The following ROBO1 variants were observed in gnomAD, a reference collection of about 807,000 sequenced individuals.
The protein encoded by ROBO1 is roundabout homolog 1.
Under a neutral mutation model 195.9 loss-of-function variants are expected in ROBO1, and 149 were observed. The observed-to-expected ratio is 0.76, with a 90% CI of 0.67 to 0.87. The LOEUF is 0.87. Among genes scored for constraint, ROBO1 ranks in the 40% least tolerant of loss-of-function variants. ROBO1 has a pLI of 0.00. For missense variants in ROBO1, 1,933 were observed against 2,068.3 expected (o/e 0.93, Z 1.27); for synonymous variants, 816 against 733.2 (o/e 1.11, Z -1.82).
At chr3:79,080,418 C>T (rs1235060252) in intron 3 of ROBO1, among the ~76,000 whole-genome samples, 1 of 151,744 alleles carries the variant, frequency 6.6e-6, no homozygotes, top group Non-Finnish European at 1.5e-5. Flanking sequence ...TTTAAGTATA[C>T]TAACATACAC....
chr3:79,169,800 C>G (rs2081134700), intron 2 of ROBO1, among the ~76,000 whole-genome samples: 1 of 152,066 alleles, frequency 6.6e-6, no homozygotes, highest in Non-Finnish European at 1.5e-5. Flanking sequence ...CAAAATTTCA[C>G]AAGTTTAGGT....
chr3:78,884,137 G>A (rs331189), intron 4 of ROBO1, among the ~76,000 whole-genome samples: 2 of 152,018 alleles, frequency 1.3e-5, no homozygotes, highest in Admixed American at 6.6e-5. Flanking sequence ...AAAATGAACA[G>A]TTAGATGCCA....
chr3:79,711,863 C>T (rs368736053), intron 1 of ROBO1, among the ~76,000 whole-genome samples: 12 of 123,994 alleles, frequency 9.7e-5, no homozygotes, highest in African/African-American at 2.5e-4. Context: ...TTATTATATC[C>T]GTTATGGTAA....
At chr3:79,402,589 T>A (rs1313445018) in intron 2 of ROBO1, among the ~76,000 whole-genome samples, 1 of 151,914 alleles carries the variant, frequency 6.6e-6, no homozygotes, top group Non-Finnish European at 1.5e-5. Context: ...CTGGGGTAAA[T>A]CTTTACAATT....
chr3:79,622,685 C>T (rs1945045697), intron 1 of ROBO1, among the ~76,000 whole-genome samples: 1 of 152,210 alleles, frequency 6.6e-6, no homozygotes, highest in Non-Finnish European at 1.5e-5. Flanking sequence ...ACCTGATCTC[C>T]CTGGGCTTGA....
chr3:78,945,667 G>C (rs976180729), intron 3 of ROBO1, among the ~76,000 whole-genome samples: 1 of 152,176 alleles, frequency 6.6e-6, no homozygotes, highest in African/African-American at 2.4e-5. Flanking sequence ...AAACTGGATG[G>C]AGAATGACTT....
At chr3:78,731,577 C>T (rs1270770685) in intron 5 of ROBO1, among the ~76,000 whole-genome samples, 1 of 152,014 alleles carries the variant, frequency 6.6e-6, no homozygotes, top group African/African-American at 2.4e-5. Flanking sequence ...CAGAATTGTT[C>T]ACAATCTAAG....
chr3:78,925,737 G>A (rs779165297), intron 4 of ROBO1, among the ~76,000 whole-genome samples: 4 of 152,188 alleles, frequency 2.6e-5, no homozygotes, highest in Non-Finnish European at 5.9e-5. Flanking sequence ...CAATGCAGGA[G>A]TGACATACTA....
chr3:79,699,769 T>C (rs771106322), intron 1 of ROBO1, among the ~76,000 whole-genome samples: 13 of 151,656 alleles, frequency 8.6e-5, no homozygotes, highest in Admixed American at 4.6e-4. Flanking sequence ...GAAAACGATA[T>C]GTGGCAGCTT....
rs542885296 is a variant in ROBO1, at chr3:79,157,916, C to T, written c.89-32377G>A. On this transcript the variant is annotated intron_variant, in intron 2 of 30. Coordinates refer to ENST00000464233, the MANE Select transcript of ROBO1 (RefSeq NM_002941.4). ...GTGGATTATGCTCCTTATCAGCCCA[C>T]GCATTTTCTTTATTTTTATAGTGGT... is the stretch of plus-strand genomic sequence containing the variant. Among the ~76,000 whole-genome samples, 17 of 151,890 alleles carry T rather than the reference C, an allele frequency of 1.1e-4. No individual in the cohort carries two copies. In the South Asian group the frequency reaches 2.7e-3, roughly 24 times the overall value.
chr3:78,657,224 C>A lies in ROBO1; in HGVS notation c.2488G>T (p.Val830Leu). ...ACCACGGAAAAGGTGGAACCATCCA[C>A]TGTTTTGTTGATGTGGTATCGAGTT... ...NETRYHINKT[V>L]DGSTFSVVIP... Residue 830 changes from valine (V) to leucine (L), a missense_variant, in exon 18 of 31, where the codon GTG becomes TTG. Physicochemically the swap from Val to Leu is conservative, Grantham distance 32. Around this residue, in one of 3 missense-constraint regions of ROBO1, gnomAD observed 1,737 missense variants for 1,882.5 expected, o/e 0.92. Transcript: ENST00000464233. The A allele has an allele frequency of 6.2e-7, 1 of 1,613,710 alleles. No homozygotes were observed. Among genetic ancestry groups the A allele is most frequent in the Non-Finnish European group, 8.5e-7 (1 of 1,179,780 alleles).
At chr3:79,534,327 C>T (rs2107620622) in intron 2 of ROBO1, among the ~76,000 whole-genome samples, 1 of 152,178 alleles carries the variant, frequency 6.6e-6, no homozygotes, top group Admixed American at 6.6e-5. Flanking sequence ...TTTTATACTA[C>T]TGAAATAGAA....
intron 2 of ROBO1, among the ~76,000 whole-genome samples, chr3:79,505,885 A>T (rs1940365004): frequency 6.6e-6 from 1 of 152,178 alleles, no homozygotes; most frequent in Non-Finnish European, 1.5e-5. Context: ...AATGATGGGT[A>T]TGATAGACAT....
chr3:78,885,771 AC>A (rs1356772944), intron 4 of ROBO1, among the ~76,000 whole-genome samples: 1 of 151,388 alleles, frequency 6.6e-6, no homozygotes, highest in Non-Finnish European at 1.5e-5. Flanking sequence ...CTAGATTTGA[AC>A]TTCATCAGCC....
At chr3:78,875,227 T>A (rs904808059) in intron 4 of ROBO1, among the ~76,000 whole-genome samples, 3 of 152,046 alleles carry the variant, frequency 2.0e-5, no homozygotes, top group African/African-American at 7.2e-5. Context: ...GATTCATTTT[T>A]AAAATAGATT....
At chr3:78,788,559 C>G (rs969557468) in intron 4 of ROBO1, among the ~76,000 whole-genome samples, 4 of 147,560 alleles carry the variant, frequency 2.7e-5, no homozygotes, top group Non-Finnish European at 6.0e-5. Context: ...AATTATATTG[C>G]TTATTTTCCA....
chr3:79,475,291 T>G (rs887546367), intron 2 of ROBO1, among the ~76,000 whole-genome samples: 1 of 152,024 alleles, frequency 6.6e-6, no homozygotes, highest in Non-Finnish European at 1.5e-5. Context: ...TATTACGTAC[T>G]TTATCTCAAA....
intron 4 of ROBO1, among the ~76,000 whole-genome samples, chr3:78,894,478 A>T (rs1393304197): frequency 6.6e-6 from 1 of 152,218 alleles, no homozygotes; most frequent in East Asian, 1.9e-4. Context: ...TCATATTTAT[A>T]TGTTTAATGT....
chr3:79,293,787 G>A (rs1332739986), intron 2 of ROBO1, among the ~76,000 whole-genome samples: 45 of 152,096 alleles, frequency 3.0e-4, no homozygotes, highest in Admixed American at 2.4e-3. Context: ...GGCCGGGCGC[G>A]GTGGCTCATG....
Sources: allele counts gnomAD v4.1 joint callset (sites outside exome capture counted in the v4.1 genomes callset), GRCh38; gene constraint gnomAD v4.1.1; regional missense constraint gnomAD v4.1.1; transcripts MANE v1.5; gene names NCBI Gene and HGNC (gene_info 2026-07-23, HGNC 2026-07-21).